Variants in CAGE1 observed in about 807,000 individuals in gnomAD.
CAGE1 encodes the protein cancer-associated gene 1 protein.
In CAGE1, 66 loss-of-function variants were observed where a neutral mutation model predicts 94.9. The observed-to-expected ratio is 0.70, with a 90% confidence interval of 0.57 to 0.85. The LOEUF (loss-of-function observed/expected upper bound fraction) is 0.85, where lower values mean the gene tolerates loss of function less well. Among genes scored for constraint, CAGE1 ranks in the 40% least tolerant of loss-of-function variants. The pLI, the probability that CAGE1 is intolerant of heterozygous loss-of-function variation, is 0.00. For missense variants in CAGE1, 865 were observed against 950.4 expected (o/e 0.91, Z 1.18); for synonymous variants, 319 against 321.0 (o/e 0.99, Z 0.07).
chr6:7,388,989 T>A (rs750619623), intron 1 of CAGE1, among the ~76,000 whole-genome samples: 6 of 152,234 alleles, frequency 3.9e-5, no homozygotes, highest in Non-Finnish European at 8.8e-5. Flanking sequence ...CCAGTTTACC[T>A]TTTTAATTTA....
Position 7,389,383 on chromosome 6 carries a change from C to G in CAGE1, c.-205G>C. 4.4e-6 allele frequency: 2 copies of G among 453,956 alleles called. No individual in the cohort carries two copies. The highest frequency in any genetic ancestry group is 3.1e-5 in the South Asian group (2 of 64,508). 28.1% of individuals were successfully genotyped at this position (453,956 alleles called of 1,614,324 possible). On this transcript the variant is annotated 5_prime_UTR_variant, in exon 1 of 14. Transcript: ENST00000502583. ...GGAGAACGCTTTCCAACCTCCTCCA[C>G]CAAGGACTCTCACAAACTCGCAATC...
intron 12 of CAGE1, among the ~76,000 whole-genome samples, chr6:7,333,644 A>ATCTATC (rs1324896569): frequency 4.0e-4 from 16 of 39,670 alleles, no homozygotes; most frequent in Admixed American, 5.7e-4. Context: ...CTAACTATCT[A>ATCTATC]TATATATATA....
chr6:7,330,702 T>A (rs1231990943), intron 12 of CAGE1, among the ~76,000 whole-genome samples: 1 of 152,194 alleles, frequency 6.6e-6, no homozygotes, highest in African/African-American at 2.4e-5. Context: ...ATCACAGGCT[T>A]CACAGAGGGT....
intron 11 of CAGE1, among the ~76,000 whole-genome samples, chr6:7,352,302 AAAAC>A (rs1759804226): frequency 9.8e-6 from 1 of 102,144 alleles, no homozygotes; most frequent in African/African-American, 4.3e-5. Context: ...AAAAAAAAAA[AAAAC>A]AAAAAAAAAC....
chr6:7,377,317 T>C (rs1030297901), intron 4 of CAGE1, among the ~76,000 whole-genome samples: 3 of 152,236 alleles, frequency 2.0e-5, no homozygotes, highest in South Asian at 2.1e-4. Flanking sequence ...TTTTAAAAGG[T>C]TGTTTTCCAG....
chr6:7,351,430 C>G (rs1031909559), intron 11 of CAGE1, among the ~76,000 whole-genome samples: 2 of 151,482 alleles, frequency 1.3e-5, no homozygotes, highest in Admixed American at 1.3e-4. Flanking sequence ...AAGAGAAAAC[C>G]CTCCATAATT....
At chr6:7,347,013 T>G (rs1267302324) in intron 11 of CAGE1, among the ~76,000 whole-genome samples, 1 of 152,186 alleles carries the variant, frequency 6.6e-6, no homozygotes, top group Non-Finnish European at 1.5e-5. Context: ...GAAAAAATTT[T>G]TTTTCACCCA....
chr6:7,339,108 T>C lies in CAGE1; in HGVS notation c.2370-5018A>G. The C allele has an allele frequency of 3.2e-6, 5 of 1,584,678 alleles. No individual in the cohort carries two copies. Among genetic ancestry groups the C allele is most frequent in the Non-Finnish European group, 4.3e-6 (5 of 1,154,146 alleles). ...GTCTCTGCTGTGGATCATCAGGCCG[T>C]CCACAAACTTCATGGATTTAGCTCT... On this transcript the variant is annotated intron_variant, in intron 11 of 13. Coordinates refer to ENST00000502583, the MANE Select transcript of CAGE1 (RefSeq NM_001170692.2). The surrounding 1 kb of genome is among the most constrained non-coding windows in gnomAD (Gnocchi z 4.7).
chr6:7,371,778 C>T (rs922266484), intron 5 of CAGE1, among the ~76,000 whole-genome samples: 2 of 152,176 alleles, frequency 1.3e-5, no homozygotes, highest in African/African-American at 4.8e-5. Context: ...CAGAGCGAGA[C>T]TCTGTCTTAA....
rs1297210248 is a variant in CAGE1 at position 7,339,276 on chromosome 6, G to T, written c.2370-5186C>A. On this transcript the variant is annotated intron_variant, in intron 11 of 13. Transcript: ENST00000502583. The surrounding 1 kb of genome is among the most constrained non-coding windows in gnomAD (Gnocchi z 4.7). ...AGGCAGAGACTCTGCCTGGGCAATG[G>T]CACACAGACCCCTAGTGGCCACCTC... 60 of 1,586,560 alleles carry T rather than the reference G, an allele frequency of 3.8e-5. No homozygotes were observed. In the Admixed American group the frequency reaches 1.0e-3, roughly 26 times the overall value.
chr6:7,345,572 A>T (rs1248663215), intron 11 of CAGE1, among the ~76,000 whole-genome samples: 1 of 152,206 alleles, frequency 6.6e-6, no homozygotes. Context: ...CCTTTTAGAA[A>T]AACAATGTCA....
intron 13 of CAGE1, among the ~76,000 whole-genome samples, chr6:7,328,686 G>A (rs1758615355): frequency 6.6e-6 from 1 of 152,108 alleles, no homozygotes; most frequent in South Asian, 2.1e-4. Context: ...CCAGTGTTCT[G>A]TAACACTGCA....
chr6:7,370,619 A>G (rs755936570), intron 5 of CAGE1, among the ~76,000 whole-genome samples: 12 of 140,302 alleles, frequency 8.6e-5, no homozygotes, highest in Middle Eastern at 3.4e-3. Context: ...TAAAAAAACA[A>G]TTACCACATT....
At chr6:7,376,011 C>T (rs945321018) in intron 4 of CAGE1, among the ~76,000 whole-genome samples, 2 of 152,094 alleles carry the variant, frequency 1.3e-5, no homozygotes, top group African/African-American at 2.4e-5. Flanking sequence ...TGTTGGAAGA[C>T]GGGGCCTAGT....
intron 6 of CAGE1, among the ~76,000 whole-genome samples, chr6:7,369,052 A>C (rs932588323): frequency 2.0e-5 from 3 of 147,606 alleles, no homozygotes; most frequent in Admixed American, 6.9e-5. Flanking sequence ...TCTTTCACCT[A>C]GGCTGGAGTG....
chr6:7,363,263 C>T (rs1050702438), intron 9 of CAGE1, among the ~76,000 whole-genome samples: 6 of 152,120 alleles, frequency 3.9e-5, no homozygotes, highest in African/African-American at 9.7e-5. Context: ...AGCAAGGATC[C>T]GTCTCTAAAA....
chr6:7,385,539 A>G (rs1160293211), intron 3 of CAGE1, among the ~76,000 whole-genome samples: 1 of 152,196 alleles, frequency 6.6e-6, no homozygotes, highest in African/African-American at 2.4e-5. Context: ...ATCACGGCTC[A>G]TTCATTTAAA....
chr6:7,343,198 A>AAAAAAAAAAAAAG (rs574460085), intron 11 of CAGE1, among the ~76,000 whole-genome samples: 2 of 137,320 alleles, frequency 1.5e-5, no homozygotes, highest in Non-Finnish European at 3.0e-5. Flanking sequence ...CACAAAAAAA[A>AAAAAAAAAAAAAG]AAAAGAAAAG....
intron 11 of CAGE1, among the ~76,000 whole-genome samples, chr6:7,344,591 G>GAGGAGTGC (rs1213340768): frequency 6.6e-6 from 1 of 152,136 alleles, no homozygotes; most frequent in Non-Finnish European, 1.5e-5. Flanking sequence ...CCCAAGGGCT[G>GAGGAGTGC]AGGAGTGCGG....
Sources: gnomAD v4.1 joint callset for allele counts (sites outside exome capture counted in the v4.1 genomes callset) on GRCh38, gnomAD v4.1.1 for gene constraint, Gnocchi (gnomAD v3.1) non-coding constraint, MANE v1.5 for transcripts, NCBI Gene and HGNC (gene_info 2026-07-23, HGNC 2026-07-21) for gene names.